Variants in TACC1 observed in about 807,000 individuals in gnomAD.
TACC1 encodes the protein transforming acidic coiled-coil-containing protein 1.
Under a neutral mutation model 84.4 loss-of-function variants are expected in TACC1, and 48 were observed. The observed-to-expected ratio is 0.57, with a 90% CI of 0.45 to 0.72. The LOEUF (loss-of-function observed/expected upper bound fraction) is 0.72. Ranked by LOEUF, TACC1 falls within the 30% of genes least tolerant of loss-of-function variation. The probability of loss-of-function intolerance (pLI) is 0.00; values close to 1 mark genes in which losing one functional copy is unlikely to be tolerated. For missense variants in TACC1, 920 were observed against 973.0 expected, an observed-to-expected ratio of 0.95 and a Z score of 0.72; for synonymous variants, 372 against 376.3, an observed-to-expected ratio of 0.99 and a Z score of 0.13.
At chr8:38,750,156 C>A (rs572157336) in intron 3 of TACC1, among the ~76,000 whole-genome samples, 1 of 152,082 alleles carries the variant, frequency 6.6e-6, no homozygotes, top group South Asian at 2.1e-4. Context: ...TGCATTCCAG[C>A]CTGGGCAACA....
At chr8:38,766,027 G>C (rs1812186700) in intron 3 of TACC1, among the ~76,000 whole-genome samples, 1 of 152,144 alleles carries the variant, frequency 6.6e-6, no homozygotes, top group Non-Finnish European at 1.5e-5. Context: ...ACAGTCTTTA[G>C]AGTTTATTTT....
chr8:38,802,307 A>G (rs988728347), intron 2 of TACC1: 1 of 152,328 alleles, frequency 6.6e-6, no homozygotes, highest in Non-Finnish European at 1.5e-5. Flanking sequence ...GCCACACAGC[A>G]GGAGGTGAGC....
chr8:38,822,862 C>T (rs1827186574), intron 3 of TACC1, among the ~76,000 whole-genome samples: 1 of 152,200 alleles, frequency 6.6e-6, no homozygotes, highest in African/African-American at 2.4e-5. Flanking sequence ...CCCTACGGGA[C>T]CACCATCGTA....
chr8:38,811,368 T>C (rs1353532387), intron 2 of TACC1, among the ~76,000 whole-genome samples: 1 of 152,210 alleles, frequency 6.6e-6, no homozygotes, highest in African/African-American at 2.4e-5. Flanking sequence ...ACTTCAGTCC[T>C]GTATCCAGCT....
intron 3 of TACC1, among the ~76,000 whole-genome samples, chr8:38,752,791 A>C (rs1327187484): frequency 2.0e-5 from 3 of 152,120 alleles, no homozygotes; most frequent in Non-Finnish European, 2.9e-5. Context: ...TATTCTCTCT[A>C]TGTTCTGTAT....
At position 38,820,488 on chromosome 8, in the gene TACC1, A is replaced by G. The variant is rs1018161376; in HGVS notation, c.1244A>G (p.Tyr415Cys). ...CCACCCCTCTCTTCTGAGGGCTCCT[A>G]CCACTTTGACCCAGATAACTTTGAC... ...NSPPLSSEGS[Y>C]HFDPDNFDES... Residue 415 changes from tyrosine (Y) to cysteine (C), a missense_variant, in exon 3 of 13, where the codon TAC (tyrosine) becomes TGC (cysteine). Transcript: ENST00000317827. 6.2e-6 allele frequency: 10 copies of G among 1,614,008 alleles called. No homozygotes were observed. Among genetic ancestry groups the G allele is most frequent in the East Asian group, 2.2e-5 (1 of 44,898 alleles).
At chr8:38,782,177 C>A (rs1288357564) in intron 3 of TACC1, among the ~76,000 whole-genome samples, 2 of 152,050 alleles carry the variant, frequency 1.3e-5, no homozygotes, top group Non-Finnish European at 1.5e-5. Flanking sequence ...CCCATCCCCC[C>A]ACCCCACAAC....
intron 9 of TACC1, chr8:38,840,604 G>A: frequency 5.1e-6 from 1 of 197,800 alleles, no homozygotes; most frequent in Non-Finnish European, 1.0e-5. Context: ...GTTGGGGGGT[G>A]GCATAAACTA....
At chr8:38,801,864 C>G (rs1168734385) in intron 2 of TACC1, among the ~76,000 whole-genome samples, 1 of 152,066 alleles carries the variant, frequency 6.6e-6, no homozygotes, top group African/African-American at 2.4e-5. Context: ...GGGGTGTCTT[C>G]CATTTATTTA....
chr8:38,757,601 T>G (rs923172561), intron 3 of TACC1, among the ~76,000 whole-genome samples: 1 of 151,786 alleles, frequency 6.6e-6, no homozygotes, highest in African/African-American at 2.4e-5. Flanking sequence ...GCTGGGAGCG[T>G]CCTGCCAGGA....
intron 2 of TACC1, among the ~76,000 whole-genome samples, chr8:38,812,375 G>A (rs1031437865): frequency 2.0e-5 from 3 of 152,072 alleles, no homozygotes; most frequent in Admixed American, 6.5e-5. Flanking sequence ...TGGACCTACC[G>A]ATATGTGATG....
At chr8:38,841,536 CAA>C (rs1258620514) in intron 9 of TACC1, among the ~76,000 whole-genome samples, 2 of 152,170 alleles carry the variant, frequency 1.3e-5, no homozygotes, top group Admixed American at 1.3e-4. Flanking sequence ...AAATGACTGT[CAA>C]AGTCCAGGAG....
At chr8:38,840,417 C>G (rs1018973676) in intron 9 of TACC1, 150 bp downstream of exon 9, 1 of 635,706 alleles carries the variant, frequency 1.6e-6, no homozygotes, top group African/African-American at 1.9e-5. Flanking sequence ...AAGGTGCCCA[C>G]AGATGAGATG....
intron 1 of TACC1, chr8:38,742,243 G>A: frequency 2.2e-6 from 1 of 464,514 alleles, no homozygotes; most frequent in East Asian, 3.3e-5. Flanking sequence ...TGGTAGAACT[G>A]CAGAGGAATT....
upstream of TACC1, chr8:38,728,615 G>A (rs7012349): frequency 0.011 from 1,666 of 152,422 alleles, 15 homozygotes; most frequent in Middle Eastern, 0.037. Flanking sequence ...AGCAGGTGGC[G>A]CAGAAGGGAG....
At position 38,797,116 on chromosome 8, in the gene TACC1, T is replaced by C. The variant is rs1587765027; in HGVS notation, c.277+8297T>C. On this transcript the variant is annotated intron_variant, in intron 2 of 12. Transcript: ENST00000317827. ...CCTCACCATGTGGACCACTGCTGGG[T>C]TGCTTGAGTATCCTCACAGCATGGC... Among the ~76,000 whole-genome samples the C allele has an allele frequency of 2.0e-5, 3 of 152,316 alleles. No individual in the cohort carries two copies. The South Asian group carries it at 6.2e-4, about 32-fold the overall frequency.
At chr8:38,729,458 G>C (rs1157422737) in intron 1 of TACC1, among the ~76,000 whole-genome samples, 2 of 152,248 alleles carry the variant, frequency 1.3e-5, no homozygotes, top group African/African-American at 4.8e-5. Flanking sequence ...CAATACATGT[G>C]CTGACACTGG....
At chr8:38,768,915 GGT>G (rs1407189709) in intron 3 of TACC1, among the ~76,000 whole-genome samples, 7 of 150,026 alleles carry the variant, frequency 4.7e-5, no homozygotes, top group Non-Finnish European at 1.0e-4. Flanking sequence ...GACTGTGTGT[GGT>G]GTGTGTGACT....
At chr8:38,836,753 C>T (rs1830321421) in intron 7 of TACC1, among the ~76,000 whole-genome samples, 1 of 152,146 alleles carries the variant, frequency 6.6e-6, no homozygotes, top group Non-Finnish European at 1.5e-5. Flanking sequence ...CAAAATAGAT[C>T]ACTGCTAGGC....
Sources: gnomAD v4.1 joint callset for allele counts (sites outside exome capture counted in the v4.1 genomes callset) on GRCh38, gnomAD v4.1.1 for gene constraint, MANE v1.5 for transcripts, NCBI Gene and HGNC (gene_info 2026-07-23, HGNC 2026-07-21) for gene names.